Variants in MGAM observed in about 807,000 individuals in gnomAD.
MGAM encodes the protein alpha-1,4-glucosidase.
In MGAM, 253 loss-of-function variants were observed where a neutral mutation model predicts 358.8. That is an observed-to-expected ratio of 0.71 (90% CI 0.64 to 0.78). The LOEUF (loss-of-function observed/expected upper bound fraction) is 0.78. MGAM is among the 30% of genes least tolerant of loss of function. The pLI, the probability that MGAM is intolerant of heterozygous loss-of-function variation, is 0.00. For synonymous variants in MGAM, 1,105 were observed against 1,227.1 expected, an observed-to-expected ratio of 0.90 and a Z score of 2.08; for missense variants, 3,080 against 3,432.6, an observed-to-expected ratio of 0.90 and a Z score of 2.57.
At position 142,064,472 on chromosome 7, in the gene MGAM, C is replaced by A. The variant is rs371707186; in HGVS notation, c.4434C>A (p.His1478Gln). 1.9e-6 allele frequency: 3 copies of A among 1,589,054 alleles called. No individual in the cohort carries two copies. Among genetic ancestry groups the A allele is most frequent in the Non-Finnish European group, 8.6e-7 (1 of 1,167,618 alleles). The change falls in exon 37 of 71, where the codon CAC becomes CAA. Residue 1478 changes from histidine to glutamine, a missense_variant. By Grantham distance (24) the His-to-Gln change is conservative. Coordinates refer to ENST00000475668, the MANE Select transcript of MGAM (RefSeq NM_001365693.1). ...TCCCAGACGGCTCCCTGGTGCAGCACTACAACGTGCACAACCTGTATGGGT... is the reference window on the plus strand; with the variant it reads ...TCCCAGACGGCTCCCTGGTGCAGCAATACAACGTGCACAACCTGTATGGGT... ...QILPDGSLVQHYNVHNLYGWS... is the reference protein window; with the variant it reads ...QILPDGSLVQQYNVHNLYGWS...
In MGAM at chr7:142,055,662, G is replaced by A. The variant is rs185758556; in HGVS notation, c.3419G>A (p.Arg1140Lys). 3.1e-6 allele frequency: 5 copies of A among 1,613,954 alleles called. No individual in the cohort carries two copies. In the East Asian group the frequency reaches 6.7e-5, roughly 22 times the overall value. Reference protein sequence around the residue: ...YLYGFGETEHRSYRRDLEWHT... With the variant: ...YLYGFGETEHKSYRRDLEWHT... ...TATGGCTTTGGGGAAACTGAGCACAGGTCCTATAGGAGAGACTTGGAGTGG... is the reference window on the plus strand; with the variant it reads ...TATGGCTTTGGGGAAACTGAGCACAAGTCCTATAGGAGAGACTTGGAGTGG... The change falls in exon 28 of 71, where the codon AGG (arginine) becomes AAG (lysine). Residue 1140 changes from arginine (R) to lysine (K), a missense_variant. Arg to Lys is a conservative substitution (Grantham distance 26). Coordinates refer to ENST00000475668, the MANE Select transcript of MGAM (RefSeq NM_001365693.1).
At chr7:142,101,908 C>CAAA (rs11452654) in intron 68 of MGAM, among the ~76,000 whole-genome samples, 19 of 130,088 alleles carry the variant, frequency 1.5e-4, no homozygotes, top group African/African-American at 5.2e-4. Flanking sequence ...AACTCTGTCT[C>CAAA]AAAAAAAAAA....
intron 8 of MGAM, among the ~76,000 whole-genome samples, chr7:142,025,849 A>C (rs10274953): frequency 0.049 from 7,485 of 152,254 alleles, 400 homozygotes; most frequent in African/African-American, 0.13. Context: ...AAATGATCTA[A>C]CATGATTCTA....
chr7:142,066,533 T>C (rs1314849504), intron 40 of MGAM, 40 bp from the exon 41 acceptor site: 1 of 1,546,902 alleles, frequency 6.5e-7, no homozygotes, highest in South Asian at 1.1e-5. Context: ...CCCTAGAAAT[T>C]CCAGGGCGAG....
intron 6 of MGAM, 76 bp from the exon 7 acceptor site, chr7:142,022,192 A>T (rs1554459118): frequency 5.8e-6 from 8 of 1,368,422 alleles, no homozygotes; most frequent in Non-Finnish European, 6.0e-6. Flanking sequence ...TGAGATATAA[A>T]GGACGCTTTT....
rs748225017 is a variant in MGAM at position 142,059,493 on chromosome 7, G to A, written c.3841G>A (p.Asp1281Asn). ...IPYDVQYSDI[D>N]YMERQLDFTL... The stretch of plus-strand genomic sequence containing the variant: ...GCAGGATGTGCAGTACTCAGACATC[G>A]ACTACATGGAGCGGCAGCTGGACTT... Residue 1281 changes from aspartate to asparagine, a missense_variant, in exon 32 of 71, where the codon GAC becomes AAC. Physicochemically the swap from Asp to Asn is conservative, Grantham distance 23. Coordinates refer to ENST00000475668, the MANE Select transcript of MGAM (RefSeq NM_001365693.1). 15 of 1,611,496 alleles carry A rather than the reference G, an allele frequency of 9.3e-6. No individual in the cohort carries two copies. Among genetic ancestry groups the A allele is most frequent in the East Asian group, 6.7e-5 (3 of 44,852 alleles).
chr7:142,003,991 A>T (rs143266859), intron 1 of MGAM, among the ~76,000 whole-genome samples: 1 of 152,072 alleles, frequency 6.6e-6, no homozygotes, highest in Non-Finnish European at 1.5e-5. Flanking sequence ...CACAAATGAG[A>T]TGATATCTTA....
intron 22 of MGAM, among the ~76,000 whole-genome samples, chr7:142,048,518 G>GTTTTTTTTTTTTTTTTTTTTTTTTTTTTT (rs1563163868): frequency 1.3e-5 from 2 of 151,786 alleles, no homozygotes; most frequent in African/African-American, 2.4e-5. Context: ...GTAACCCAAT[G>GTTTTTTTTTTTTTTTTTTTTTTTTTTTTT]TTAATGTCTT....
intron 3 of MGAM, among the ~76,000 whole-genome samples, chr7:142,011,413 G>T (rs570109620): frequency 4.6e-4 from 70 of 151,784 alleles, no homozygotes; most frequent in South Asian, 8.8e-4. Context: ...CACAACATCA[G>T]TTAATAGCCA....
chr7:142,067,970 ATATATATATATATATATTTTTTT>A lies in MGAM; in HGVS notation c.5004+547_5004+569del, dbSNP rs1328077521. On this transcript the variant is annotated intron_variant, in intron 42 of 70. Transcript: ENST00000475668. ...TATATATATATATATATATAAATAT[ATATATATATATATATATTTTTTT>A]TTTTTTTTTTTTGAGACAGAGTCTC... Among the ~76,000 whole-genome samples the A allele has an allele frequency of 8.4e-3, 43 of 5,098 alleles. 3 individuals are homozygous for A. The highest frequency in any genetic ancestry group is 0.014 in the Admixed American group (4 of 280). The allele number at this position is 5,098 out of a possible 152,430, so 3.3% of individuals were successfully genotyped here.
intron 7 of MGAM, among the ~76,000 whole-genome samples, chr7:142,024,355 C>T (rs782676172): frequency 9.3e-5 from 14 of 151,014 alleles, no homozygotes; most frequent in Non-Finnish European, 1.8e-4. Flanking sequence ...TGGAGGTTAC[C>T]GTGAGCCAAG....
At chr7:142,035,707 G>T (rs1352194048) in intron 16 of MGAM, among the ~76,000 whole-genome samples, 1 of 152,114 alleles carries the variant, frequency 6.6e-6, no homozygotes, top group Non-Finnish European at 1.5e-5. Context: ...AAAAAGATGG[G>T]TTGGAACCAG....
chr7:142,056,712 C>A, intron 29 of MGAM, 118 bp from the exon 30 acceptor site: 1 of 909,872 alleles, frequency 1.1e-6, no homozygotes, highest in Non-Finnish European at 1.7e-6. Context: ...ATAGAAAATG[C>A]CTGCTGTTAC....
chr7:142,079,029 A>G (rs556999509), intron 49 of MGAM, 21 bp downstream of exon 49: 1 of 1,523,932 alleles, frequency 6.6e-7, no homozygotes, highest in Non-Finnish European at 9.0e-7. Flanking sequence ...TACATATATC[A>G]GGCAGTGATA....
At chr7:142,101,043 T>G (rs1392619949) in intron 68 of MGAM, among the ~76,000 whole-genome samples, 153 bp downstream of exon 68, 2 of 152,250 alleles carry the variant, frequency 1.3e-5, no homozygotes, top group Non-Finnish European at 2.9e-5. Context: ...ATATTGGACA[T>G]GATCTTTATT....
Position 142,076,930 on chromosome 7 carries a change from T to C in MGAM, c.5493+104T>C. 2.4e-6 allele frequency: 3 copies of C among 1,273,536 alleles called. 1 individual carries two copies. The highest frequency in any genetic ancestry group is 3.3e-6 in the Non-Finnish European group (3 of 897,084). 78.9% of individuals were successfully genotyped at this position (1,273,536 alleles called of 1,614,324 possible). The stretch of plus-strand genomic sequence containing the variant: ...GGGTCCCTGAAGTACCAGGGCACCT[T>C]TGATGCATGTTTTGGGGAATTGAGA... On this transcript the variant is annotated intron_variant, in intron 47 of 70. Transcript: ENST00000475668.
At chr7:142,072,241 C>G (rs894592238) in intron 44 of MGAM, among the ~76,000 whole-genome samples, 1 of 146,156 alleles carries the variant, frequency 6.8e-6, no homozygotes, top group African/African-American at 2.4e-5. Flanking sequence ...TCCTGCCATA[C>G]CTCCATGTAC....
chr7:142,027,577 T>G (rs782100626), intron 9 of MGAM, 33 bp from the exon 10 acceptor site: 1 of 1,610,424 alleles, frequency 6.2e-7, no homozygotes, highest in Non-Finnish European at 8.5e-7. Context: ...AAACAGAGTA[T>G]TTGCTAATTT....
At chr7:142,045,252 A>G (rs191513036) in intron 21 of MGAM, among the ~76,000 whole-genome samples, 26 of 64,188 alleles carry the variant, frequency 4.1e-4, no homozygotes, top group South Asian at 7.6e-4. Context: ...ATAATATATG[A>G]TATATAATAT....
Sources: gnomAD v4.1 joint callset for allele counts (sites outside exome capture counted in the v4.1 genomes callset) on GRCh38, gnomAD v4.1.1 for gene constraint, MANE v1.5 for transcripts, NCBI Gene and HGNC (gene_info 2026-07-23, HGNC 2026-07-21) for gene names.